The following NRG2 variants were observed in gnomAD, a reference collection of about 807,000 sequenced individuals.
NRG2 encodes neuregulin 2.
In NRG2, 27 loss-of-function variants were observed where a neutral mutation model predicts 73.9. The ratio of observed to expected loss-of-function variants is 0.37; its 90% CI spans 0.27 to 0.50. The LOEUF is 0.50. Among genes scored for constraint, NRG2 ranks in the 20% least tolerant of loss-of-function variants. The pLI, the probability that NRG2 is intolerant of heterozygous loss-of-function variation, is 0.96. For synonymous variants in NRG2, 532 were observed against 541.0 expected, an observed-to-expected ratio of 0.98 and a Z score of 0.23; for missense variants, 1,126 against 1,210.1, an observed-to-expected ratio of 0.93 and a Z score of 1.03.
chr5:139,860,797 C>T (rs751748388), intron 5 of NRG2, among the ~76,000 whole-genome samples: 68 of 152,004 alleles, frequency 4.5e-4, no homozygotes, highest in Non-Finnish European at 8.1e-4. Context: ...ATAAAAGGAC[C>T]CTGACTCAAG....
chr5:139,964,490 T>C (rs1371296477), intron 1 of NRG2, among the ~76,000 whole-genome samples: 1 of 152,102 alleles, frequency 6.6e-6, no homozygotes, highest in East Asian at 1.9e-4. Flanking sequence ...CAAAACCCCC[T>C]AAAGCTAAGA....
At chr5:140,003,395 C>T (rs1037607305) in intron 1 of NRG2, among the ~76,000 whole-genome samples, 7 of 152,122 alleles carry the variant, frequency 4.6e-5, no homozygotes, top group African/African-American at 1.7e-4. Flanking sequence ...ATGTGAGTGG[C>T]CCACTGTAAT....
intron 1 of NRG2, among the ~76,000 whole-genome samples, chr5:139,975,072 T>C (rs1048281348): frequency 6.6e-6 from 1 of 152,204 alleles, no homozygotes; most frequent in African/African-American, 2.4e-5. Context: ...CATGTCTACT[T>C]GTCATGTGTA....
In NRG2 at chr5:139,847,908, G is replaced by T; in HGVS notation, c.*9C>A. The T allele has an allele frequency of 2.8e-6, 4 of 1,430,734 alleles. No homozygotes were observed. Among genetic ancestry groups the T allele is most frequent in the Non-Finnish European group, 2.7e-6 (3 of 1,099,356 alleles). The allele number at this position is 1,430,734 out of a possible 1,614,324, so 88.6% of individuals were successfully genotyped here. On this transcript the variant is annotated 3_prime_UTR_variant, in exon 10 of 10. Transcript: ENST00000361474. ...GGGCGGGCGGGGCGGAGGGGCGCGC[G>T]GCGGGGCCCTAGAGTGGCGCCGAGT...
At chr5:139,928,138 C>A (rs1752201294) in intron 1 of NRG2, among the ~76,000 whole-genome samples, 1 of 152,208 alleles carries the variant, frequency 6.6e-6, no homozygotes, top group Non-Finnish European at 1.5e-5. Context: ...TCAGCCCTTT[C>A]TGACCAGGAC....
intron 4 of NRG2, among the ~76,000 whole-genome samples, chr5:139,866,869 C>A (rs3777108): frequency 2.6e-5 from 4 of 152,084 alleles, no homozygotes; most frequent in Non-Finnish European, 4.4e-5. Flanking sequence ...ATGCCCAGCC[C>A]TGTACTCTCT....
In NRG2 at chr5:139,915,849, C is replaced by T. The variant is rs990211524; in HGVS notation, c.701-28338G>A. On this transcript the variant is annotated intron_variant, in intron 1 of 9. Transcript: ENST00000361474. This position sits in a 1 kb window ranked among gnomAD's most constrained non-coding sequence, Gnocchi z 4.0. The stretch of plus-strand genomic sequence containing the variant: ...GGAATATGGGACAGCCTGGCAATGA[C>T]ACTGAGTGGGAATCCACAAAACAGG... Among the ~76,000 whole-genome samples, 34 of 152,298 alleles carry T rather than the reference C, an allele frequency of 2.2e-4. No individual in the cohort carries two copies. Among genetic ancestry groups the T allele is most frequent in the South Asian group, 1.0e-3 (5 of 4,828 alleles).
At position 139,904,404 on chromosome 5, in the gene NRG2, C is replaced by A; in HGVS notation, c.701-16893G>T. The A allele has an allele frequency of 1.3e-6, 2 of 1,526,032 alleles. No individual in the cohort carries two copies. The highest frequency in any genetic ancestry group is 2.3e-5 in the South Asian group (2 of 87,496). 94.5% of individuals were successfully genotyped at this position (1,526,032 alleles called of 1,614,324 possible). A position where few individuals can be genotyped will look rare whatever the true frequency, so the allele number is the denominator to read the frequency against. On this transcript the variant is annotated intron_variant, in intron 1 of 9. Coordinates refer to ENST00000361474, the MANE Select transcript of NRG2 (RefSeq NM_004883.3). The surrounding 1 kb of genome is among the most constrained non-coding windows in gnomAD (Gnocchi z 6.0). ...TCCTCCTGGACTCCGACATTCTGCACGGGGTCCCAGGCGGTGGGACGGCCT... is the reference window on the plus strand; with the variant it reads ...TCCTCCTGGACTCCGACATTCTGCAAGGGGTCCCAGGCGGTGGGACGGCCT...
intron 1 of NRG2, among the ~76,000 whole-genome samples, chr5:139,901,424 G>A (rs915880808): frequency 4.6e-5 from 7 of 152,288 alleles, no homozygotes; most frequent in Middle Eastern, 3.4e-3. Flanking sequence ...TCAGCCAGGG[G>A]CCAAGACCAG....
In NRG2 at chr5:139,856,040, C is replaced by T. The variant is rs576752497; in HGVS notation, c.1190-262G>A. On this transcript the variant is annotated intron_variant, in intron 5 of 9. Coordinates refer to ENST00000361474, the MANE Select transcript of NRG2 (RefSeq NM_004883.3). This position sits in a 1 kb window ranked among gnomAD's most constrained non-coding sequence, Gnocchi z 4.2. ...TTCCCCTCCCCAAGCCCCATGCCTG[C>T]CCAGAGCACATGAGTGGAAAATGCA... 90 of 505,148 alleles carry T rather than the reference C, an allele frequency of 1.8e-4. No homozygotes were observed. The South Asian group carries it at 2.2e-3, about 12-fold the overall frequency. The allele number at this position is 505,148 out of a possible 1,614,324, so 31.3% of individuals were successfully genotyped here. A position where few individuals can be genotyped will look rare whatever the true frequency, so the allele number is the denominator to read the frequency against.
intron 1 of NRG2, among the ~76,000 whole-genome samples, chr5:139,953,282 C>A (rs1754363497): frequency 6.6e-6 from 1 of 152,138 alleles, no homozygotes; most frequent in Non-Finnish European, 1.5e-5. Flanking sequence ...GTGACTGGGG[C>A]TGAAGGGTTA....
In NRG2 at chr5:139,921,510, AC is replaced by A; in HGVS notation, c.701-34000del. ...ACAATGGAGCAAAGATAATCTTTAC[AC>A]CCAGCGGTGCTGGAATACTACAGGT... On this transcript the variant is annotated intron_variant, in intron 1 of 9. Transcript: ENST00000361474. 1.3e-5 allele frequency among the ~76,000 whole-genome samples: 2 copies of A among 152,318 alleles called. 1 individual carries two copies. Among genetic ancestry groups the A allele is most frequent in the Middle Eastern group, 6.8e-3 (2 of 294 alleles).
At chr5:139,967,383 G>A (rs1755612052) in intron 1 of NRG2, among the ~76,000 whole-genome samples, 1 of 152,194 alleles carries the variant, frequency 6.6e-6, no homozygotes, top group Non-Finnish European at 1.5e-5. Context: ...CAGAGTCTCC[G>A]TACTGAAGGA....
At chr5:140,005,163 C>T (rs892159494) in intron 1 of NRG2, among the ~76,000 whole-genome samples, 3 of 152,098 alleles carry the variant, frequency 2.0e-5, no homozygotes, top group Non-Finnish European at 4.4e-5. Context: ...GGGCCAAAAG[C>T]GAGGATTTGA....
chr5:140,026,972 C>T (rs1040556213), intron 1 of NRG2, among the ~76,000 whole-genome samples: 4 of 152,086 alleles, frequency 2.6e-5, no homozygotes, highest in African/African-American at 9.7e-5. Flanking sequence ...AAAAGTCCTT[C>T]CGTGGGTCTT....
intron 5 of NRG2, among the ~76,000 whole-genome samples, chr5:139,864,460 A>T (rs961634738): frequency 6.6e-6 from 1 of 151,246 alleles, no homozygotes; most frequent in Non-Finnish European, 1.5e-5. Flanking sequence ...AAGGGAATAA[A>T]ATCCTAGATG....
At position 139,848,359 on chromosome 5, in the gene NRG2, G is replaced by GGGCT; in HGVS notation, c.2107_2110dup (p.Pro704GlnfsTer193). The GGGCT allele has an allele frequency of 8.1e-7, 1 of 1,233,990 alleles. No homozygotes were observed. The highest frequency in any genetic ancestry group is 1.0e-6 in the Non-Finnish European group (1 of 992,818). 76.4% of individuals were successfully genotyped at this position (1,233,990 alleles called of 1,614,324 possible). ...CTCGTCGTCCTCGGGGATGCGGAAGGGGCTGGCAGGCAGGCTGCCCAGGCT... is the reference window on the plus strand; with the variant it reads ...CTCGTCGTCCTCGGGGATGCGGAAGGGGCTGGCTGGCAGGCAGGCTGCCCAGGCT... On this transcript the variant is annotated frameshift_variant, in exon 10 of 10. Coordinates refer to ENST00000361474, the MANE Select transcript of NRG2 (RefSeq NM_004883.3). LOFTEE classifies it high-confidence loss of function.
At chr5:139,871,965 G>T in intron 3 of NRG2, 124 bp from the exon 4 acceptor site, 1 of 1,339,338 alleles carries the variant, frequency 7.5e-7, no homozygotes, top group Non-Finnish European at 1.0e-6. Context: ...TGACTGGGGA[G>T]GGGAGGTCTG....
chr5:139,943,396 C>A lies in NRG2; in HGVS notation c.701-55885G>T, dbSNP rs547603362. Among the ~76,000 whole-genome samples the A allele has an allele frequency of 4.3e-4, 66 of 152,106 alleles. 1 individual carries two copies. Among genetic ancestry groups the A allele is most frequent in the Non-Finnish European group, 8.7e-4 (59 of 67,972 alleles). ...ATCTCCTGACCTCATGATCCACCTG[C>A]CTCAGCCTCCCACAGTGCTGGGATT... On this transcript the variant is annotated intron_variant, in intron 1 of 9. Coordinates refer to ENST00000361474, the MANE Select transcript of NRG2 (RefSeq NM_004883.3).
Sources: allele counts gnomAD v4.1 joint callset (sites outside exome capture counted in the v4.1 genomes callset), GRCh38; gene constraint gnomAD v4.1.1; non-coding constraint Gnocchi (gnomAD v3.1); transcripts MANE v1.5; gene names NCBI Gene and HGNC (gene_info 2026-07-23, HGNC 2026-07-21).